WDR93: variants seen among roughly 807,000 people sequenced by gnomAD.
The protein encoded by WDR93 is WD repeat-containing protein 93.
Under a neutral mutation model 82.9 loss-of-function variants are expected in WDR93, and 73 were observed. The ratio of observed to expected loss-of-function variants is 0.88; its 90% CI spans 0.73 to 1.07. The LOEUF is 1.07. Among genes scored for constraint, WDR93 ranks in the 50% least tolerant of loss-of-function variants. The probability of loss-of-function intolerance (pLI) is 0.00; values close to 1 mark genes in which losing one functional copy is unlikely to be tolerated. For synonymous variants in WDR93, 283 were observed against 300.1 expected (o/e 0.94, Z 0.59); for missense variants, 738 against 826.0 (o/e 0.89, Z 1.31).
rs776129513 is a variant in WDR93 at position 89,727,163 on chromosome 15, C to T, written c.887C>T (p.Thr296Ile). Residue 296 changes from threonine (T) to isoleucine (I), a missense_variant, in exon 9 of 17, where the codon ACA (threonine) becomes ATA (isoleucine). Physicochemically the swap from Thr to Ile is moderately conservative, Grantham distance 89. Transcript: ENST00000268130. ...TGTAATATTTTCAACCTAGGCACCA[C>T]ATTCAAAAGCCCCCTGGAAGTCTTT... is the stretch of plus-strand genomic sequence containing the variant. The part of the protein sequence containing the change: ...IKPPKPVTGT[T>I]FKSPLEVFAK... The T allele has an allele frequency of 2.5e-6, 4 of 1,613,272 alleles. No individual in the cohort carries two copies. The highest frequency in any genetic ancestry group is 1.3e-5 in the African/African-American group (1 of 74,894).
chr15:89,719,989 G>A (rs1014717678), intron 7 of WDR93, among the ~76,000 whole-genome samples: 1 of 151,588 alleles, frequency 6.6e-6, no homozygotes, highest in African/African-American at 2.4e-5. Flanking sequence ...TAGTAGAGAC[G>A]GGGTCTCACC....
chr15:89,709,863 A>T (rs1396730059), intron 4 of WDR93, among the ~76,000 whole-genome samples: 1 of 152,004 alleles, frequency 6.6e-6, no homozygotes, highest in Non-Finnish European at 1.5e-5. Context: ...TTTGTAATAA[A>T]AAAAAAAATA....
At chr15:89,709,935 C>T (rs367782002) in intron 4 of WDR93, among the ~76,000 whole-genome samples, 18 of 151,434 alleles carry the variant, frequency 1.2e-4, no homozygotes, top group African/African-American at 1.5e-4. Flanking sequence ...CTGAGGCGGG[C>T]GGATCACGAG....
chr15:89,727,174 C>G lies in WDR93; in HGVS notation c.898C>G (p.Pro300Ala). 1.2e-6 allele frequency: 2 copies of G among 1,613,310 alleles called. No homozygotes were observed. The highest frequency in any genetic ancestry group is 2.2e-5 in the South Asian group (2 of 90,984). ...CAACCTAGGCACCACATTCAAAAGC[C>G]CCCTGGAAGTCTTTGCAAAGATCAA... ...KPVTGTTFKS[P>A]LEVFAKIKDC... Residue 300 changes from proline to alanine, a missense_variant, in exon 9 of 17, where the codon CCC (proline) becomes GCC (alanine). Coordinates refer to ENST00000268130, the MANE Select transcript of WDR93 (RefSeq NM_020212.2).
Position 89,712,071 on chromosome 15 carries a change from C to T in WDR93, c.607C>T (p.Gln203Ter). 6.2e-7 allele frequency: 1 copy of T among 1,613,368 alleles called. No homozygotes were observed. The highest frequency in any genetic ancestry group is 8.5e-7 in the Non-Finnish European group (1 of 1,179,624). The change falls in exon 5 of 17, where the codon CAA (glutamine) becomes TAA (stop). Residue 203 changes from glutamine to a stop codon, truncating the protein, a stop_gained. Coordinates refer to ENST00000268130, the MANE Select transcript of WDR93 (RefSeq NM_020212.2). LOFTEE classifies it high-confidence loss of function. Reference sequence around the variant, plus strand: ...TACCTGTATAAAGATGGAGATCTCTCAAGGAGGGGACTTTGCAGCCTTCCT... The same window carrying T: ...TACCTGTATAAAGATGGAGATCTCTTAAGGAGGGGACTTTGCAGCCTTCCT... Reference protein sequence around the residue: ...QTTCIKMEISQGGDFAAFLLQ... With the variant: ...QTTCIKMEIS
In WDR93 at chr15:89,735,646, G is replaced by T. The variant is rs1273321386; in HGVS notation, c.1608+93G>T. 2.3e-6 allele frequency: 3 copies of T among 1,328,816 alleles called. No individual in the cohort carries two copies. In the East Asian group the frequency reaches 7.0e-5, roughly 31 times the overall value. 82.3% of individuals were successfully genotyped at this position (1,328,816 alleles called of 1,614,324 possible). A position where few individuals can be genotyped will look rare whatever the true frequency, so the allele number is the denominator to read the frequency against. ...TGTCCTTTAGAAAATGCTTATTGAAGGCCTGTTATGTGTTAGGCACTGGAC... is the reference window on the plus strand; with the variant it reads ...TGTCCTTTAGAAAATGCTTATTGAATGCCTGTTATGTGTTAGGCACTGGAC... On this transcript the variant is annotated intron_variant, in intron 14 of 16. Transcript: ENST00000268130.
chr15:89,696,806 G>C (rs944961932), intron 1 of WDR93, among the ~76,000 whole-genome samples: 4 of 151,844 alleles, frequency 2.6e-5, no homozygotes, highest in Non-Finnish European at 5.9e-5. Flanking sequence ...AGATACTCAG[G>C]AATGGGATTG....
chr15:89,723,732 C>T (rs1030694031), intron 8 of WDR93, among the ~76,000 whole-genome samples: 1 of 152,104 alleles, frequency 6.6e-6, no homozygotes, highest in African/African-American at 2.4e-5. Context: ...ACAGAGGCAG[C>T]GCTATGGAGC....
intron 8 of WDR93, among the ~76,000 whole-genome samples, chr15:89,725,211 A>C (rs75945394): frequency 6.6e-6 from 1 of 152,372 alleles, no homozygotes; most frequent in African/African-American, 2.4e-5. Context: ...TAGAACAGAT[A>C]AATTGTACTA....
intron 16 of WDR93, among the ~76,000 whole-genome samples, chr15:89,740,139 G>A (rs1400591927): frequency 2.6e-5 from 4 of 152,182 alleles, no homozygotes; most frequent in African/African-American, 9.7e-5. Context: ...AAAGTACCAG[G>A]CACAGAGTGG....
Position 89,743,310 on chromosome 15 carries a change from G to T in WDR93, c.1980G>T (p.Lys660Asn). ...CCCTCAGCTATCGGAAGCTGGAGAAGAACCCAGAGAAGGAGGAGGAGCACT... is the reference window on the plus strand; with the variant it reads ...CCCTCAGCTATCGGAAGCTGGAGAATAACCCAGAGAAGGAGGAGGAGCACT... ...FLQKSYRKLEKNPEKEEEHWA... is the reference protein window; with the variant it reads ...FLQKSYRKLENNPEKEEEHWA... The change falls in exon 17 of 17, where the codon AAG (lysine) becomes AAT (asparagine). Residue 660 changes from lysine (K) to asparagine (N), a missense_variant. By Grantham distance (94) the Lys-to-Asn change is moderately conservative (BLOSUM62 0). Transcript: ENST00000268130. 1 of 1,614,216 alleles carries T rather than the reference G, an allele frequency of 6.2e-7. No homozygotes were observed. Among genetic ancestry groups the T allele is most frequent in the Admixed American group, 1.7e-5 (1 of 60,030 alleles).
intron 11 of WDR93, 105 bp from the exon 12 acceptor site, chr15:89,731,338 A>C: frequency 3.3e-6 from 5 of 1,535,748 alleles, no homozygotes; most frequent in Non-Finnish European, 4.4e-6. Flanking sequence ...CCTGGTTCCC[A>C]TTCCCTGAAC....
At chr15:89,743,245 G>C in intron 16 of WDR93, 47 bp from the exon 17 acceptor site, 1 of 1,600,704 alleles carries the variant, frequency 6.2e-7, no homozygotes, top group Non-Finnish European at 8.6e-7. Context: ...CTCGGGAGCT[G>C]GGGAAGTGAG....
At chr15:89,716,868 A>T in intron 6 of WDR93, 43 bp from the exon 7 acceptor site, 1 of 1,383,886 alleles carries the variant, frequency 7.2e-7, no homozygotes, top group Non-Finnish European at 1.0e-6. Context: ...TGGTAAACAT[A>T]CATCAAACCT....
rs750310590 is a variant in WDR93, at chr15:89,705,623, G to A, written c.561+5G>A. Reference sequence around the variant, plus strand: ...GTCAAAGCCATCAATGAAGTGGTGAGTTCCTATTCTTTCACCATTAGCTGG... The same window carrying A: ...GTCAAAGCCATCAATGAAGTGGTGAATTCCTATTCTTTCACCATTAGCTGG... On this transcript the variant is annotated splice_donor_5th_base_variant and intron_variant, in intron 4 of 16. Coordinates refer to ENST00000268130, the MANE Select transcript of WDR93 (RefSeq NM_020212.2). The A allele has an allele frequency of 7.2e-5, 112 of 1,548,622 alleles. No homozygotes were observed. Among genetic ancestry groups the A allele is most frequent in the Non-Finnish European group, 9.9e-5 (111 of 1,120,868 alleles).
At chr15:89,737,798 G>T (rs1358726823) in intron 15 of WDR93, 69 bp downstream of exon 15, 2 of 1,591,274 alleles carry the variant, frequency 1.3e-6, no homozygotes, top group Middle Eastern at 1.7e-4. Flanking sequence ...CAAACAGAGA[G>T]AGCCCCTCCG....
chr15:89,714,866 A>G (rs967225733), intron 5 of WDR93, 114 bp from the exon 6 acceptor site: 4 of 775,440 alleles, frequency 5.2e-6, no homozygotes, highest in African/African-American at 3.5e-5. Context: ...GTTGCCTGGT[A>G]TGGAGGTGGC....
At chr15:89,720,768 G>T (rs1966492570) in intron 7 of WDR93, among the ~76,000 whole-genome samples, 1 of 152,162 alleles carries the variant, frequency 6.6e-6, no homozygotes, top group South Asian at 2.1e-4. Flanking sequence ...ATATTGGTAA[G>T]TGTTTATATG....
chr15:89,737,801 C>A, intron 15 of WDR93, 72 bp downstream of exon 15: 1 of 1,581,026 alleles, frequency 6.3e-7, no homozygotes, highest in Non-Finnish European at 8.6e-7. Context: ...ACAGAGAGAG[C>A]CCCTCCGATC....
Sources: gnomAD v4.1 joint callset for allele counts (sites outside exome capture counted in the v4.1 genomes callset) on GRCh38, gnomAD v4.1.1 for gene constraint, MANE v1.5 for transcripts, NCBI Gene and HGNC (gene_info 2026-07-23, HGNC 2026-07-21) for gene names.